Variants in ANKFN1 observed in about 807,000 individuals in gnomAD.
The protein encoded by ANKFN1 is ankyrin repeat and fibronectin type III domain containing 1.
In ANKFN1, 74 loss-of-function variants were observed where a neutral mutation model predicts 108.7. The ratio of observed to expected loss-of-function variants is 0.68; its 90% CI spans 0.56 to 0.83. The LOEUF (loss-of-function observed/expected upper bound fraction) is 0.83, where lower values mean the gene tolerates loss of function less well. Among genes scored for constraint, ANKFN1 ranks in the 40% least tolerant of loss-of-function variants. ANKFN1 has a pLI of 0.00. For missense variants in ANKFN1, 1,505 were observed against 1,382.3 expected, an observed-to-expected ratio of 1.09 and a Z score of -1.41; for synonymous variants, 547 against 516.2, an observed-to-expected ratio of 1.06 and a Z score of -0.81.
chr17:56,374,620 C>T lies in ANKFN1; in HGVS notation c.816C>T (p.Thr272=), dbSNP rs1187581023. ...TCCCAGGAGCCCCTGAGATGCCAAC[C>T]AATGTCTGTCTCATGGTAACCAGCA... ...FEHARAPEMP[T]NVCLMVTSST... The change falls in exon 8 of 21, where the codon ACC becomes ACT. Residue 272 remains threonine (T), a synonymous_variant. Coordinates refer to ENST00000682825, the MANE Select transcript of ANKFN1 (RefSeq NM_001370326.1). 6.2e-7 allele frequency: 1 copy of T among 1,613,716 alleles called. No homozygotes were observed. Among genetic ancestry groups the T allele is most frequent in the Non-Finnish European group, 8.5e-7 (1 of 1,179,796 alleles).
At chr17:56,217,331 G>A (rs1289919496) in intron 2 of ANKFN1, among the ~76,000 whole-genome samples, 1 of 152,186 alleles carries the variant, frequency 6.6e-6, no homozygotes, top group African/African-American at 2.4e-5. Flanking sequence ...TAGACCAACT[G>A]TGCATTTGCT....
intron 1 of ANKFN1, among the ~76,000 whole-genome samples, chr17:56,170,807 T>TATATAC (rs1361307404): frequency 2.4e-3 from 146 of 61,414 alleles, no homozygotes; most frequent in East Asian, 3.9e-3. Context: ...TATATATATA[T>TATATAC]ACACACACAC....
At chr17:56,301,579 G>T (rs895360764) in intron 3 of ANKFN1, among the ~76,000 whole-genome samples, 3 of 152,180 alleles carry the variant, frequency 2.0e-5, no homozygotes, top group Non-Finnish European at 4.4e-5. Context: ...GCAAATAAGA[G>T]ATCCAATCAA....
chr17:56,104,766 TGAGAA>T (rs1905711422), intron 4 of ANKFN1, among the ~76,000 whole-genome samples: 1 of 152,180 alleles, frequency 6.6e-6, no homozygotes, highest in Middle Eastern at 3.2e-3. Flanking sequence ...GAGTAATGTT[TGAGAA>T]GAGAAGAGGT....
chr17:56,208,846 G>A (rs2143799198), intron 1 of ANKFN1, among the ~76,000 whole-genome samples: 1 of 152,024 alleles, frequency 6.6e-6, no homozygotes, highest in Admixed American at 6.6e-5. Flanking sequence ...CTTGTTGGAT[G>A]TTTAGGCACC....
chr17:56,139,695 C>T (rs532581069), intron 4 of ANKFN1, among the ~76,000 whole-genome samples: 3 of 152,304 alleles, frequency 2.0e-5, no homozygotes, highest in Admixed American at 2.0e-4. Context: ...CTTATAGAGG[C>T]TGCTCAGAAG....
At chr17:56,472,809 G>A (rs2050365567) in intron 15 of ANKFN1, 1 of 152,198 alleles carries the variant, frequency 6.6e-6, no homozygotes, top group African/African-American at 2.4e-5. Flanking sequence ...AGGCATTGCA[G>A]AAGAGATGGC....
intron 4 of ANKFN1, among the ~76,000 whole-genome samples, chr17:56,105,242 G>C (rs1257345485): frequency 6.6e-6 from 1 of 152,162 alleles, no homozygotes; most frequent in Non-Finnish European, 1.5e-5. Flanking sequence ...CATGGATTTG[G>C]AGGGATTGAT....
chr17:56,327,092 C>T (rs899442795), intron 4 of ANKFN1, among the ~76,000 whole-genome samples: 4 of 152,128 alleles, frequency 2.6e-5, no homozygotes, highest in African/African-American at 2.4e-5. Flanking sequence ...GGCCTGGTCA[C>T]GGCCATCAGG....
chr17:56,275,113 C>CTATA (rs1347871415), intron 3 of ANKFN1, among the ~76,000 whole-genome samples: 3 of 152,144 alleles, frequency 2.0e-5, no homozygotes, highest in African/African-American at 7.2e-5. Flanking sequence ...CCTTCATGTG[C>CTATA]TATAATCACT....
rs372744043 is a variant in ANKFN1 at position 56,286,594 on chromosome 17, AC to A, written c.54-39626del. On this transcript the variant is annotated intron_variant, in intron 3 of 20. Transcript: ENST00000682825. ...CTCTCCATGTGACTGGGGCTTCCTT[AC>A]AACATGGCGGCAGGACTCCCAGGGC... is the stretch of plus-strand genomic sequence containing the variant. Among the ~76,000 whole-genome samples the A allele has an allele frequency of 6.5e-4, 99 of 152,242 alleles. No individual in the cohort carries two copies. In the East Asian group the frequency reaches 0.011, roughly 18 times the overall value.
intron 3 of ANKFN1, among the ~76,000 whole-genome samples, chr17:56,318,898 G>A (rs1567909611): frequency 6.6e-6 from 1 of 152,116 alleles, no homozygotes; most frequent in African/African-American, 2.4e-5. Context: ...AGGTCAAAGA[G>A]TCTTTCAGGT....
At chr17:56,317,296 A>G (rs2045237519) in intron 3 of ANKFN1, among the ~76,000 whole-genome samples, 1 of 152,216 alleles carries the variant, frequency 6.6e-6, no homozygotes, top group African/African-American at 2.4e-5. Context: ...GTTGCTGTCC[A>G]GAAACATTGC....
At chr17:56,281,174 G>T (rs1303541129) in intron 3 of ANKFN1, among the ~76,000 whole-genome samples, 1 of 150,048 alleles carries the variant, frequency 6.7e-6, no homozygotes, top group Non-Finnish European at 1.5e-5. Context: ...CTATCAAATT[G>T]CAGTAATCCA....
intron 4 of ANKFN1, among the ~76,000 whole-genome samples, chr17:56,133,403 C>T (rs944276966): frequency 6.6e-6 from 1 of 152,082 alleles, no homozygotes; most frequent in Admixed American, 6.6e-5. Flanking sequence ...CAATAAAACC[C>T]TCAGTTTGCT....
upstream of ANKFN1, among the ~76,000 whole-genome samples, chr17:56,149,569 A>G (rs893723234): frequency 6.6e-6 from 1 of 152,212 alleles, no homozygotes; most frequent in Non-Finnish European, 1.5e-5. Context: ...GCCACTGTGA[A>G]TGACTGGGCC....
chr17:56,418,837 T>C (rs1234134685), intron 8 of ANKFN1, among the ~76,000 whole-genome samples: 2 of 148,306 alleles, frequency 1.3e-5, no homozygotes, highest in Admixed American at 6.7e-5. Flanking sequence ...CCACAGAGAG[T>C]CCGAAGCCTA....
intron 1 of ANKFN1, among the ~76,000 whole-genome samples, chr17:56,197,701 T>G (rs1403860515): frequency 6.6e-6 from 1 of 151,746 alleles, no homozygotes; most frequent in Non-Finnish European, 1.5e-5. Context: ...AAAAACACTT[T>G]GTCTTCTGAC....
intron 8 of ANKFN1, among the ~76,000 whole-genome samples, chr17:56,387,677 G>GT (rs146048282): frequency 7.4e-4 from 113 of 152,080 alleles, no homozygotes; most frequent in African/African-American, 2.1e-3. Flanking sequence ...AAGTACCCTG[G>GT]TTTTTTTCCT....
Sources: allele counts gnomAD v4.1 joint callset (sites outside exome capture counted in the v4.1 genomes callset), GRCh38; gene constraint gnomAD v4.1.1; transcripts MANE v1.5; gene names NCBI Gene and HGNC (gene_info 2026-07-23, HGNC 2026-07-21).